Variants in IL16 observed in about 807,000 individuals in gnomAD.
IL16 encodes the protein interleukin 16.
IL16 carries 67 observed loss-of-function variants against 110.1 expected under a neutral mutation model. That is an observed-to-expected ratio of 0.61 (90% CI 0.50 to 0.75). IL16 has a LOEUF of 0.75. Among genes scored for constraint, IL16 ranks in the 30% least tolerant of loss-of-function variants. The pLI is 0.00. For missense variants in IL16, 1,545 were observed against 1,655.0 expected (o/e 0.93, Z 1.15); for synonymous variants, 689 against 662.9 (o/e 1.04, Z -0.61).
At chr15:81,189,119 AAT>A (rs1895460212) in intron 1 of IL16, among the ~76,000 whole-genome samples, 2 of 138,936 alleles carry the variant, frequency 1.4e-5, no homozygotes, top group African/African-American at 5.6e-5. Flanking sequence ...ATGCCAAGAT[AAT>A]TTTTTTTTTT....
At chr15:81,221,674 C>T (rs1432042637) in intron 1 of IL16, among the ~76,000 whole-genome samples, 2 of 141,268 alleles carry the variant, frequency 1.4e-5, no homozygotes, top group African/African-American at 6.1e-5. Context: ...TGCAATTGTT[C>T]TCTTCCTTTA....
At chr15:81,232,918 A>G (rs1595975661) in intron 2 of IL16, among the ~76,000 whole-genome samples, 1 of 152,142 alleles carries the variant, frequency 6.6e-6, no homozygotes, top group African/African-American at 2.4e-5. Context: ...TTTCTGGAAT[A>G]CTTTGACTTA....
chr15:81,207,095 G>T (rs964866667), intron 1 of IL16, among the ~76,000 whole-genome samples: 4 of 151,846 alleles, frequency 2.6e-5, no homozygotes, highest in African/African-American at 4.8e-5. Flanking sequence ...AATTAGCCAG[G>T]CGTGGTGGTG....
chr15:81,261,789 C>G (rs185751548), intron 3 of IL16, among the ~76,000 whole-genome samples: 2 of 152,280 alleles, frequency 1.3e-5, no homozygotes, highest in East Asian at 3.9e-4. Flanking sequence ...AGTACCTAGG[C>G]TGGCTGCCAC....
At chr15:81,298,653 C>T (rs1900110891) in intron 13 of IL16, among the ~76,000 whole-genome samples, 1 of 152,208 alleles carries the variant, frequency 6.6e-6, no homozygotes, top group African/African-American at 2.4e-5. Context: ...AATCCTACTT[C>T]ACAGATTCCT....
rs2142214701 is a variant in IL16, at chr15:81,265,583, C to A, written c.422-76C>A. 6 of 1,520,382 alleles carry A rather than the reference C, an allele frequency of 3.9e-6. No homozygotes were observed. In the South Asian group the frequency reaches 7.2e-5, roughly 18 times the overall value. 94.2% of individuals were successfully genotyped at this position (1,520,382 alleles called of 1,614,324 possible). On this transcript the variant is annotated intron_variant, in intron 3 of 18. Coordinates refer to ENST00000683961, the MANE Select transcript of IL16 (RefSeq NM_172217.5). Reference sequence around the variant, plus strand: ...ACACTGGCCCCTGGCTAATGAGGGGCTGATATTGTTCTTAGTTGAACTTTG... The same window carrying A: ...ACACTGGCCCCTGGCTAATGAGGGGATGATATTGTTCTTAGTTGAACTTTG...
chr15:81,267,105 G>A (rs1284364626), intron 4 of IL16, among the ~76,000 whole-genome samples: 2 of 152,200 alleles, frequency 1.3e-5, no homozygotes, highest in African/African-American at 4.8e-5. Flanking sequence ...TCTGCAGCCA[G>A]CGCTGGGTCC....
At chr15:81,206,587 A>G (rs11639206) in intron 1 of IL16, among the ~76,000 whole-genome samples, 12,808 of 152,274 alleles carry the variant, frequency 0.084, 544 homozygotes, top group Middle Eastern at 0.1. Flanking sequence ...GTAAACCTCA[A>G]TGAATTCCAA....
intron 2 of IL16, among the ~76,000 whole-genome samples, chr15:81,247,359 A>G (rs906826876): frequency 2.6e-5 from 4 of 152,066 alleles, no homozygotes; most frequent in African/African-American, 9.7e-5. Context: ...AATATGTAAA[A>G]TTTTATTATC....
At position 81,313,517 on chromosome 15, in the gene IL16, C is replaced by T. The variant is rs945937167; in HGVS notation, c.*4719C>T. ...GGAAATGGCCATGATACAGTGATCG[C>T]GTCTCATCCCTTGCTGTGCCCTCCA... is the stretch of plus-strand genomic sequence containing the variant. On this transcript the variant is annotated 3_prime_UTR_variant, in exon 19 of 19. Coordinates refer to ENST00000683961, the MANE Select transcript of IL16 (RefSeq NM_172217.5). The T allele has an allele frequency of 7.7e-5, 79 of 1,029,512 alleles. 1 individual carries two copies. The Admixed American group carries it at 9.2e-4, about 12-fold the overall frequency. The allele number at this position is 1,029,512 out of a possible 1,614,324, so 63.8% of individuals were successfully genotyped here.
chr15:81,295,029 A>G (rs1371084163), intron 12 of IL16, among the ~76,000 whole-genome samples: 1 of 152,156 alleles, frequency 6.6e-6, no homozygotes, highest in African/African-American at 2.4e-5. Context: ...CTTAACTCTC[A>G]CAACCAATAT....
intron 2 of IL16, among the ~76,000 whole-genome samples, chr15:81,254,574 C>T (rs897581253): frequency 2.6e-5 from 4 of 152,152 alleles, no homozygotes; most frequent in Admixed American, 6.5e-5. Context: ...CAGGTAATTA[C>T]GGGGTGTATC....
rs559656068 is a variant in IL16 at position 81,232,660 on chromosome 15, T to G, written c.312+6949T>G. Reference sequence around the variant, plus strand: ...TACTTTTTCATGTAGTGAATTGCACTAATTGACTTTTTTGAATGTTGAAAC... The same window carrying G: ...TACTTTTTCATGTAGTGAATTGCACGAATTGACTTTTTTGAATGTTGAAAC... On this transcript the variant is annotated intron_variant, in intron 2 of 18. Transcript: ENST00000683961. Among the ~76,000 whole-genome samples the G allele has an allele frequency of 3.9e-3, 592 of 152,364 alleles. 4 individuals carry two copies. The highest frequency in any genetic ancestry group is 0.014 in the African/African-American group (565 of 41,592).
At chr15:81,258,201 A>G (rs1898018087) in intron 2 of IL16, among the ~76,000 whole-genome samples, 3 of 152,216 alleles carry the variant, frequency 2.0e-5, no homozygotes, top group Admixed American at 2.0e-4. Context: ...CTCTATCCCT[A>G]TACCCATCCC....
rs375189576 is a variant in IL16 at position 81,285,871 on chromosome 15, C to T, written c.1332+41C>T. 5.9e-5 allele frequency: 95 copies of T among 1,602,852 alleles called. No individual in the cohort carries two copies. In the East Asian group the frequency reaches 1.2e-3, roughly 20 times the overall value. On this transcript the variant is annotated intron_variant, in intron 10 of 18. Coordinates refer to ENST00000683961, the MANE Select transcript of IL16 (RefSeq NM_172217.5). ...TTATCCTCTTCTTCTCAGGCTCACTCGTTCAGTACCAAAATTGGAACAAGA... is the reference window on the plus strand; with the variant it reads ...TTATCCTCTTCTTCTCAGGCTCACTTGTTCAGTACCAAAATTGGAACAAGA...
In IL16 at chr15:81,264,333, G is replaced by T. The variant is rs114080133; in HGVS notation, c.422-1326G>T. ...GGGCAGGTTTCCCCAGCCACTCTCT[G>T]GGCCCCGATGGACCAAAACCTCTCC... On this transcript the variant is annotated intron_variant, in intron 3 of 18. Coordinates refer to ENST00000683961, the MANE Select transcript of IL16 (RefSeq NM_172217.5). Among the ~76,000 whole-genome samples, 1,232 of 152,254 alleles carry T rather than the reference G, an allele frequency of 8.1e-3. 14 individuals carry two copies. Among genetic ancestry groups the T allele is most frequent in the African/African-American group, 0.028 (1,179 of 41,532 alleles).
At chr15:81,227,566 A>T (rs747336996) in intron 2 of IL16, among the ~76,000 whole-genome samples, 1 of 152,150 alleles carries the variant, frequency 6.6e-6, no homozygotes, top group Non-Finnish European at 1.5e-5. Flanking sequence ...AGGATGGTAG[A>T]AGACCAAGTT....
chr15:81,233,206 A>C (rs138568931), intron 2 of IL16, among the ~76,000 whole-genome samples: 1 of 152,248 alleles, frequency 6.6e-6, no homozygotes, highest in African/African-American at 2.4e-5. Flanking sequence ...ATTTACATGA[A>C]GTTGTAAAGA....
chr15:81,214,551 A>ATT (rs34712503), intron 1 of IL16, among the ~76,000 whole-genome samples: 1,555 of 149,248 alleles, frequency 0.01, 9 homozygotes, highest in Non-Finnish European at 0.015. Flanking sequence ...TGCCTTTAAG[A>ATT]TTTTTTTTTT....
Sources: allele counts gnomAD v4.1 joint callset (sites outside exome capture counted in the v4.1 genomes callset), GRCh38; gene constraint gnomAD v4.1.1; transcripts MANE v1.5; gene names NCBI Gene and HGNC (gene_info 2026-07-23, HGNC 2026-07-21).